CACNA1S: variants seen among roughly 807,000 people sequenced by gnomAD.
The protein encoded by CACNA1S is voltage-dependent L-type calcium channel subunit alpha-1S.
A neutral mutation model predicts 207.4 loss-of-function variants in CACNA1S; 126 were observed. The observed-to-expected ratio is 0.61, with a 90% CI of 0.53 to 0.70. The LOEUF (loss-of-function observed/expected upper bound fraction) is 0.70, where lower values mean the gene tolerates loss of function less well. Among genes scored for constraint, CACNA1S ranks in the 30% least tolerant of loss-of-function variants. CACNA1S has a pLI of 0.00. For synonymous variants in CACNA1S, 960 were observed against 932.7 expected (o/e 1.03, Z -0.53); for missense variants, 2,349 against 2,422.8 (o/e 0.97, Z 0.64).
intron 40 of CACNA1S, chr1:201,041,803 C>T: frequency 3.2e-6 from 2 of 628,900 alleles, no homozygotes; most frequent in Non-Finnish European, 5.7e-6. Flanking sequence ...TGACTCCACT[C>T]CTTTGCTCAG....
rs141619541 is a variant in CACNA1S at position 201,069,508 on chromosome 1, C to T, written c.2454G>A (p.Ala818=). 1.3e-3 allele frequency: 2,150 copies of T among 1,598,724 alleles called. 6 individuals carry two copies. Among genetic ancestry groups the T allele is most frequent in the Non-Finnish European group, 1.7e-3 (2,028 of 1,174,108 alleles). ...FILLSSAALA[A]EDPIRADSMR... ...TGGAATCAGCCCGGATGGGGTCTTC[C>T]GCAGCCAGTGCAGCGCTGCTGAGCA... is the stretch of plus-strand genomic sequence containing the variant. Residue 818 remains alanine, a synonymous_variant, in exon 18 of 44, where the codon GCG becomes GCA. Coordinates refer to ENST00000362061, the MANE Select transcript of CACNA1S (RefSeq NM_000069.3).
chr1:201,072,615 G>C (rs1417864108), intron 16 of CACNA1S, 140 bp downstream of exon 16: 2 of 741,986 alleles, frequency 2.7e-6, no homozygotes, highest in African/African-American at 3.4e-5. Context: ...GCACAGAAGG[G>C]ATGTCTCCGG....
intron 2 of CACNA1S, among the ~76,000 whole-genome samples, chr1:201,108,675 T>C (rs901105248): frequency 6.6e-6 from 1 of 152,116 alleles, no homozygotes; most frequent in Non-Finnish European, 1.5e-5. Flanking sequence ...TTTCCCCTCA[T>C]AGCAAGCACA....
rs1338698781 is a variant in CACNA1S, at chr1:201,085,484, T to C, written c.1102A>G (p.Ser368Gly). 6.2e-7 allele frequency: 1 copy of C among 1,612,714 alleles called. No homozygotes were observed. Among genetic ancestry groups the C allele is most frequent in the Non-Finnish European group, 8.5e-7 (1 of 1,179,812 alleles). ...ATGACCTCGCCCTGCGTGATCCAGC[T>C]CATGTAGCCCCGAAGGTCCTCATCT... The part of the protein sequence containing the change: ...QLDEDLRGYM[S>G]WITQGEVMDV... The change falls in exon 8 of 44, where the codon AGC becomes GGC. Residue 368 changes from serine to glycine, a missense_variant. Physicochemically the swap from Ser to Gly is moderately conservative, Grantham distance 56. Transcript: ENST00000362061.
intron 13 of CACNA1S, among the ~76,000 whole-genome samples, chr1:201,075,254 T>C (rs1379402273): frequency 7.9e-5 from 12 of 152,212 alleles, no homozygotes. Context: ...TACTGGGCTT[T>C]TAATTCCTCC....
Position 201,053,539 on chromosome 1 carries a change from G to A in CACNA1S, c.3715C>T (p.Arg1239Cys), listed in dbSNP as rs28930069. Residue 1239 changes from arginine (R) to cysteine (C), a missense_variant, in exon 30 of 44, where the codon CGT (arginine) becomes TGT (cysteine). Physicochemically the swap from Arg to Cys is radical, Grantham distance 180 (BLOSUM62 -3). Coordinates refer to ENST00000362061, the MANE Select transcript of CACNA1S (RefSeq NM_000069.3). The surrounding 1 kb of genome is among the most constrained non-coding windows in gnomAD (Gnocchi z 5.1). The stretch of plus-strand genomic sequence containing the variant: ...AGCAGCTTGATCAGCCTCATGACAC[G>A]GAACAGGCGGAAGAAGGCGCTGGAG... Reference protein sequence around the residue: ...RISSAFFRLFRVMRLIKLLSR... With the variant: ...RISSAFFRLFCVMRLIKLLSR... The A allele has an allele frequency of 6.2e-7, 1 of 1,614,114 alleles. No homozygotes were observed. Among genetic ancestry groups the A allele is most frequent in the African/African-American group, 1.3e-5 (1 of 75,044 alleles).
Position 201,053,818 on chromosome 1 carries a change from G to A in CACNA1S, c.3667-231C>T, listed in dbSNP as rs555761653. On this transcript the variant is annotated intron_variant, in intron 29 of 43. Coordinates refer to ENST00000362061, the MANE Select transcript of CACNA1S (RefSeq NM_000069.3). This position sits in a 1 kb window ranked among gnomAD's most constrained non-coding sequence, Gnocchi z 5.1. ...AAGAGGACGTGGGGCACCAGGCAGC[G>A]TGGTGAAGCCCACACTTGGGAGCAG... Among the ~76,000 whole-genome samples, 1 of 152,310 alleles carries A rather than the reference G, an allele frequency of 6.6e-6. No homozygotes were observed. Among genetic ancestry groups the A allele is most frequent in the African/African-American group, 2.4e-5 (1 of 41,572 alleles).
intron 12 of CACNA1S, among the ~76,000 whole-genome samples, chr1:201,075,851 C>T (rs1405129174): frequency 7.2e-5 from 11 of 152,140 alleles, no homozygotes; most frequent in East Asian, 1.9e-4. Context: ...GTGGATCATT[C>T]GAGGTCAGGA....
intron 32 of CACNA1S, among the ~76,000 whole-genome samples, chr1:201,052,142 G>A (rs1230144436): frequency 6.6e-6 from 1 of 152,216 alleles, no homozygotes; most frequent in Non-Finnish European, 1.5e-5. Context: ...CCAAGCATAG[G>A]CCCCTGCGCC....
rs1402361054 is a variant in CACNA1S, at chr1:201,091,748, G to T, written c.586C>A (p.Leu196Ile). The T allele has an allele frequency of 6.2e-7, 1 of 1,613,960 alleles. No homozygotes were observed. The highest frequency in any genetic ancestry group is 1.7e-5 in the Admixed American group (1 of 60,010). ...LNSIFKAMLP[L>I]FHIALLVLFM... ...AGGACCAGCAGGGCGATGTGAAAGA[G>T]GGGGAGCATGGCCTTGAAGATGGAG... Residue 196 changes from leucine (L) to isoleucine (I), a missense_variant, in exon 5 of 44, where the codon CTC becomes ATC. Physicochemically the swap from Leu to Ile is conservative, Grantham distance 5. Transcript: ENST00000362061.
At position 201,066,325 on chromosome 1, in the gene CACNA1S, C is replaced by G; in HGVS notation, c.2658-9G>C. The G allele has an allele frequency of 2.5e-6, 4 of 1,608,210 alleles. No homozygotes were observed. The highest frequency in any genetic ancestry group is 2.5e-6 in the Non-Finnish European group (3 of 1,179,530). On this transcript the variant is annotated splice_polypyrimidine_tract_variant and intron_variant, in intron 20 of 43. Coordinates refer to ENST00000362061, the MANE Select transcript of CACNA1S (RefSeq NM_000069.3). The surrounding 1 kb of genome is among the most constrained non-coding windows in gnomAD (Gnocchi z 4.3). ...CGGAGATGGCACTGGACCTGGGGGG[C>G]GGCAATGGTGAGGGGGCTGAGGGCA...
At chr1:201,106,814 G>A (rs543753688) in intron 2 of CACNA1S, among the ~76,000 whole-genome samples, 5 of 152,272 alleles carry the variant, frequency 3.3e-5, no homozygotes, top group East Asian at 1.9e-4. Context: ...GTGGACATCC[G>A]GCACCCAAGG....
chr1:201,044,340 C>A lies in CACNA1S; in HGVS notation c.4785G>T (p.Glu1595Asp). The A allele has an allele frequency of 1.2e-6, 2 of 1,613,658 alleles. No individual in the cohort carries two copies. Among genetic ancestry groups the A allele is most frequent in the South Asian group, 1.1e-5 (1 of 91,068 alleles). Residue 1595 changes from glutamate (E) to aspartate (D), a missense_variant, in exon 39 of 44, where the codon GAG (glutamate) becomes GAT (aspartate). By Grantham distance (45) the Glu-to-Asp change is conservative. Transcript: ENST00000362061. ...GGCTCTCCCTCACCCGGAATATTCCCTCCTCCATCGCAGCCTCCACCATGG... is the reference window on the plus strand; with the variant it reads ...GGCTCTCCCTCACCCGGAATATTCCATCCTCCATCGCAGCCTCCACCATGG... ...ERAMVEAAME[E>D]GIFRRTGGLF... is the part of the protein sequence containing the mutation.
chr1:201,110,083 C>T, intron 2 of CACNA1S, 81 bp downstream of exon 2: 1 of 1,269,932 alleles, frequency 7.9e-7, no homozygotes, highest in Non-Finnish European at 1.2e-6. Context: ...CACCATCCCC[C>T]AGAACAGAGT....
chr1:201,073,317 G>C (rs1661485373), intron 15 of CACNA1S, among the ~76,000 whole-genome samples: 1 of 146,570 alleles, frequency 6.8e-6, no homozygotes, highest in Non-Finnish European at 1.5e-5. Flanking sequence ...AAGCTGCTAC[G>C]CTGGAGAAGT....
intron 36 of CACNA1S, among the ~76,000 whole-genome samples, 161 bp from the exon 37 acceptor site, chr1:201,047,787 G>A (rs560430782): frequency 5.9e-5 from 9 of 152,320 alleles, no homozygotes; most frequent in South Asian, 2.1e-4. Context: ...TGGTGGGAGG[G>A]CATCACTGTC....
Position 201,061,474 on chromosome 1 carries a change from G to C in CACNA1S, c.3054-6C>G. The C allele has an allele frequency of 6.2e-7, 1 of 1,613,196 alleles. No homozygotes were observed. The highest frequency in any genetic ancestry group is 8.5e-7 in the Non-Finnish European group (1 of 1,179,234). ...CTATGGCCTTGTACAGCAGCCTGGG[G>C]GTGGGCAGAGAAGAGAGGACAGACT... On this transcript the variant is annotated splice_region_variant and splice_polypyrimidine_tract_variant and intron_variant, in intron 24 of 43. Coordinates refer to ENST00000362061, the MANE Select transcript of CACNA1S (RefSeq NM_000069.3).
At chr1:201,111,925 T>TCCTCCTCTTCCTCCTCCTCCCCCAC (rs1663121174) in intron 1 of CACNA1S, among the ~76,000 whole-genome samples, 1 of 147,106 alleles carries the variant, frequency 6.8e-6, no homozygotes, top group Non-Finnish European at 1.5e-5. Flanking sequence ...CTCTTCCTCC[T>TCCTCCTCTTCCTCCTCCTCCCCCAC]CCTCCTCTTC....
chr1:201,084,941 G>T lies in CACNA1S; in HGVS notation c.1232+9C>A. ...TTGGGGGTTCCTGGGGCAGTGGGCA[G>T]ATACTCACATGAACTGGATGATTTT... On this transcript the variant is annotated intron_variant, in intron 9 of 43. Transcript: ENST00000362061. 1 of 1,603,854 alleles carries T rather than the reference G, an allele frequency of 6.2e-7. No homozygotes were observed. Among genetic ancestry groups the T allele is most frequent in the Non-Finnish European group, 8.5e-7 (1 of 1,171,740 alleles).
Sources: allele counts gnomAD v4.1 joint callset (sites outside exome capture counted in the v4.1 genomes callset), GRCh38; gene constraint gnomAD v4.1.1; non-coding constraint Gnocchi (gnomAD v3.1); transcripts MANE v1.5; gene names NCBI Gene and HGNC (gene_info 2026-07-23, HGNC 2026-07-21).